Variants in ARHGAP18 observed in about 807,000 individuals in gnomAD.
ARHGAP18 encodes the protein rho GTPase-activating protein 18.
In ARHGAP18, 67 loss-of-function variants were observed where a neutral mutation model predicts 86.2. The observed-to-expected ratio is 0.78, with a 90% CI of 0.64 to 0.95. ARHGAP18 has a LOEUF of 0.95. Among genes scored for constraint, ARHGAP18 ranks in the 40% least tolerant of loss-of-function variants. The pLI, the probability that ARHGAP18 is intolerant of heterozygous loss-of-function variation, is 0.00. For synonymous variants in ARHGAP18, 283 were observed against 280.4 expected (o/e 1.01, Z -0.09); for missense variants, 691 against 780.4 (o/e 0.89, Z 1.37).
intron 3 of ARHGAP18, among the ~76,000 whole-genome samples, chr6:129,637,485 TGCTAAG>T (rs1773358183): frequency 6.6e-6 from 1 of 152,252 alleles, no homozygotes; most frequent in African/African-American, 2.4e-5. Flanking sequence ...GCTGTCACTG[TGCTAAG>T]GCTAGACACC....
intron 1 of ARHGAP18, among the ~76,000 whole-genome samples, chr6:129,675,566 A>T (rs1461898297): frequency 6.6e-6 from 1 of 152,088 alleles, no homozygotes; most frequent in African/African-American, 2.4e-5. Context: ...AGCATTTACC[A>T]CAGACATCTA....
rs374586820 is a variant in ARHGAP18 at position 129,710,026 on chromosome 6, C to T, written c.111G>A (p.Ser37=). 2 of 1,613,354 alleles carry T rather than the reference C, an allele frequency of 1.2e-6. No individual in the cohort carries two copies. The highest frequency in any genetic ancestry group is 1.7e-6 in the Non-Finnish European group (2 of 1,179,400). The change falls in exon 1 of 15, where the codon TCG becomes TCA. Residue 37 remains serine (S), a splice_region_variant and synonymous_variant. Coordinates refer to ENST00000368149, the MANE Select transcript of ARHGAP18 (RefSeq NM_033515.3). ...GTTTTCAGCTTCCGAAGGCTTACCT[C>T]GAGGTGGCTTCCTCCCCTGCCTTTG... The part of the protein sequence containing the change: ...SHAKAGEEAT[S]SRRYGQYTMN...
At chr6:129,664,866 C>T (rs1036291397) in intron 1 of ARHGAP18, among the ~76,000 whole-genome samples, 8 of 152,046 alleles carry the variant, frequency 5.3e-5, no homozygotes, top group Non-Finnish European at 5.9e-5. Flanking sequence ...TAGCAGGGAG[C>T]AGTTTATTAT....
At chr6:129,606,825 G>A (rs1042778609) in intron 9 of ARHGAP18, among the ~76,000 whole-genome samples, 3 of 151,176 alleles carry the variant, frequency 2.0e-5, no homozygotes, top group African/African-American at 7.3e-5. Flanking sequence ...GAATAGCCTG[G>A]TACAGTTCTG....
intron 3 of ARHGAP18, among the ~76,000 whole-genome samples, chr6:129,637,882 G>A (rs1773366740): frequency 6.6e-6 from 1 of 152,106 alleles, no homozygotes; most frequent in African/African-American, 2.4e-5. Flanking sequence ...ATTTGTCTAA[G>A]GTCTTTCTTT....
Position 129,676,915 on chromosome 6 carries a change from C to T in ARHGAP18, c.113+33109G>A, listed in dbSNP as rs5879959. ...AAACAGATGAAAAATTTTTTGTCCT[C>T]TTTTTTTTTTTTTTTTTTTTTTTTT... is the stretch of plus-strand genomic sequence containing the variant. On this transcript the variant is annotated intron_variant, in intron 1 of 14. Transcript: ENST00000368149. Among the ~76,000 whole-genome samples the T allele has an allele frequency of 6.4e-3, 244 of 37,976 alleles. 1 individual carries two copies. The highest frequency in any genetic ancestry group is 0.013 in the African/African-American group (195 of 14,512). The allele number at this position is 37,976 out of a possible 152,430, so 24.9% of individuals were successfully genotyped here. A position where few individuals can be genotyped will look rare whatever the true frequency, so the allele number is the denominator to read the frequency against.
chr6:129,673,827 T>A (rs1023721251), intron 1 of ARHGAP18, among the ~76,000 whole-genome samples: 4 of 152,194 alleles, frequency 2.6e-5, no homozygotes, highest in African/African-American at 9.6e-5. Flanking sequence ...ATATTTTAAA[T>A]ACAACTGCAA....
intron 1 of ARHGAP18, among the ~76,000 whole-genome samples, chr6:129,701,774 A>T (rs1361093407): frequency 1.4e-5 from 2 of 142,616 alleles, no homozygotes; most frequent in Middle Eastern, 3.5e-3. Context: ...CATCTCAAAT[A>T]AAAAAAAACA....
At chr6:129,693,055 T>C (rs1233681832) in intron 1 of ARHGAP18, among the ~76,000 whole-genome samples, 1 of 152,218 alleles carries the variant, frequency 6.6e-6, no homozygotes, top group East Asian at 1.9e-4. Flanking sequence ...TTTAATGTCC[T>C]TCTGTCCCCC....
chr6:129,701,433 C>T (rs1027823240), intron 1 of ARHGAP18, among the ~76,000 whole-genome samples: 3 of 152,148 alleles, frequency 2.0e-5, no homozygotes, highest in Non-Finnish European at 1.5e-5. Flanking sequence ...TGTACTATGG[C>T]CTGTTCAAAA....
chr6:129,582,985 C>T (rs972836479), intron 13 of ARHGAP18, among the ~76,000 whole-genome samples: 1 of 152,178 alleles, frequency 6.6e-6, no homozygotes, highest in Non-Finnish European at 1.5e-5. Flanking sequence ...AATTTATAAA[C>T]CCTATGGGAA....
At chr6:129,683,285 A>G (rs1774358816) in intron 1 of ARHGAP18, among the ~76,000 whole-genome samples, 1 of 151,846 alleles carries the variant, frequency 6.6e-6, no homozygotes, top group Non-Finnish European at 1.5e-5. Flanking sequence ...GTTAGCCAGG[A>G]TGGTCTCGAT....
chr6:129,629,450 ATGTC>A lies in ARHGAP18; in HGVS notation c.685_688del (p.Asp229SerfsTer55), dbSNP rs746019513. ...CTCGGCAAATGATACCTCCAGGTTG[ATGTC>A]TGTTTCAGGGGCAGGCGTCTCCTCA... On this transcript the variant is annotated frameshift_variant, in exon 5 of 15. Transcript: ENST00000368149. LOFTEE classifies it high-confidence loss of function. 1.9e-6 allele frequency: 3 copies of A among 1,613,632 alleles called. No individual in the cohort carries two copies. The highest frequency in any genetic ancestry group is 2.5e-6 in the Non-Finnish European group (3 of 1,179,886).
At chr6:129,609,633 C>A (rs1788936999) in intron 8 of ARHGAP18, among the ~76,000 whole-genome samples, 1 of 151,162 alleles carries the variant, frequency 6.6e-6, no homozygotes, top group Admixed American at 6.6e-5. Context: ...GAACTCGTCT[C>A]AGAATCACAC....
chr6:129,616,447 TTATA>T, intron 6 of ARHGAP18, 144 bp from the exon 7 acceptor site: 2 of 642,004 alleles, frequency 3.1e-6, no homozygotes, highest in Non-Finnish European at 5.2e-6. Context: ...CATCTCAACA[TTATA>T]TATATGGTGG....
intron 1 of ARHGAP18, among the ~76,000 whole-genome samples, chr6:129,644,561 G>T (rs1010333428): frequency 6.6e-6 from 1 of 152,126 alleles, no homozygotes; most frequent in Non-Finnish European, 1.5e-5. Context: ...CTCTCATAGT[G>T]TGAAATTGAC....
At chr6:129,689,362 C>T (rs575953872) in intron 1 of ARHGAP18, among the ~76,000 whole-genome samples, 2 of 152,256 alleles carry the variant, frequency 1.3e-5, no homozygotes, top group South Asian at 2.1e-4. Flanking sequence ...AGCGTGATCT[C>T]GGCTCACTGC....
intron 7 of ARHGAP18, among the ~76,000 whole-genome samples, chr6:129,613,520 A>G (rs1182007594): frequency 2.0e-5 from 3 of 152,334 alleles, no homozygotes; most frequent in South Asian, 2.1e-4. Context: ...TTTCAGCAAT[A>G]TATGCCTTTC....
chr6:129,583,876 C>T, intron 13 of ARHGAP18, 112 bp downstream of exon 13: 1 of 1,355,582 alleles, frequency 7.4e-7, no homozygotes. Context: ...TTTCATACTA[C>T]CCCACAATTA....
Sources: gnomAD v4.1 joint callset for allele counts (sites outside exome capture counted in the v4.1 genomes callset) on GRCh38, gnomAD v4.1.1 for gene constraint, MANE v1.5 for transcripts, NCBI Gene and HGNC (gene_info 2026-07-23, HGNC 2026-07-21) for gene names.